The following NFIA variants were observed in gnomAD, a reference collection of about 807,000 sequenced individuals.
NFIA encodes nuclear factor I A, also known as nuclear factor 1 A-type.
Under a neutral mutation model 62.8 loss-of-function variants are expected in NFIA, and 8 were observed. That is an observed-to-expected ratio of 0.13 (90% CI 0.07 to 0.23). The LOEUF is 0.23. NFIA is among the 10% of genes least tolerant of loss of function. The probability of loss-of-function intolerance (pLI) is 1.00; values close to 1 mark genes in which losing one functional copy is unlikely to be tolerated. For synonymous variants in NFIA, 235 were observed against 238.1 expected, an observed-to-expected ratio of 0.99 and a Z score of 0.12; for missense variants, 410 against 642.1, an observed-to-expected ratio of 0.64 and a Z score of 3.91.
intron 2 of NFIA, among the ~76,000 whole-genome samples, chr1:61,100,300 C>T (rs1032193329): frequency 2.6e-5 from 4 of 152,050 alleles, no homozygotes; most frequent in East Asian, 1.9e-4. Flanking sequence ...TCCATCGGTG[C>T]GGATGCTCTT....
chr1:61,140,346 A>AT (rs780721575), intron 2 of NFIA, among the ~76,000 whole-genome samples: 8,033 of 27,342 alleles, frequency 0.29, 338 homozygotes, highest in East Asian at 0.39. Context: ...ATCTGGCTGT[A>AT]TTTTTTTTTT....
At chr1:61,122,967 A>G (rs976517208) in intron 2 of NFIA, among the ~76,000 whole-genome samples, 1 of 152,168 alleles carries the variant, frequency 6.6e-6, no homozygotes, top group Admixed American at 6.5e-5. Flanking sequence ...ATGTCCATGT[A>G]TCCAGGAGAA....
chr1:61,249,201 T>C (rs1293505560), intron 2 of NFIA: 1 of 152,134 alleles, frequency 6.6e-6, no homozygotes, highest in African/African-American at 2.4e-5. Context: ...TAAAAGGTGC[T>C]TACATACTTA....
At chr1:61,436,470 GA>G (rs1203924512) in intron 10 of NFIA, among the ~76,000 whole-genome samples, 7 of 152,168 alleles carry the variant, frequency 4.6e-5, no homozygotes, top group African/African-American at 1.7e-4. Context: ...CTGTTCACAT[GA>G]GGAAAGGATT....
At chr1:61,283,947 A>G (rs748913851) in intron 3 of NFIA, among the ~76,000 whole-genome samples, 2 of 152,202 alleles carry the variant, frequency 1.3e-5, no homozygotes, top group African/African-American at 4.8e-5. Context: ...TTTGGAGGCA[A>G]TGCAACCTTA....
At chr1:61,417,280 TG>T (rs2100541945) in intron 9 of NFIA, among the ~76,000 whole-genome samples, 1 of 149,140 alleles carries the variant, frequency 6.7e-6, no homozygotes, top group African/African-American at 2.5e-5. Context: ...TGTGTGTGTG[TG>T]TGTGTGTGTA....
At chr1:61,154,082 TTAACTC>T (rs1162662125) in intron 2 of NFIA, among the ~76,000 whole-genome samples, 1 of 152,250 alleles carries the variant, frequency 6.6e-6, no homozygotes, top group African/African-American at 2.4e-5. Context: ...TTTTTACACT[TTAACTC>T]AGACTGTTGG....
intron 2 of NFIA, among the ~76,000 whole-genome samples, chr1:61,192,473 G>A (rs2100577106): frequency 6.6e-6 from 1 of 152,158 alleles, no homozygotes; most frequent in East Asian, 1.9e-4. Flanking sequence ...AGGCCATGGT[G>A]GGCAGATGAC....
intron 2 of NFIA, among the ~76,000 whole-genome samples, chr1:61,152,883 A>C (rs1216683616): frequency 6.6e-6 from 1 of 152,104 alleles, no homozygotes; most frequent in Non-Finnish European, 1.5e-5. Flanking sequence ...TACTCTGAGG[A>C]GAGAGAGGGC....
chr1:61,283,593 A>AAAAAAAAAAAAG lies in NFIA; in HGVS notation c.625+6019_625+6020insGAAAAAAAAAAA, dbSNP rs1557681360. 1.1e-3 allele frequency among the ~76,000 whole-genome samples: 147 copies of AAAAAAAAAAAAG among 136,528 alleles called. 6 individuals are homozygous for AAAAAAAAAAAAG. The highest frequency in any genetic ancestry group is 3.6e-3 in the African/African-American group (131 of 35,924). The allele number at this position is 136,528 out of a possible 152,430, so 89.6% of individuals were successfully genotyped here. A position where few individuals can be genotyped will look rare whatever the true frequency, so the allele number is the denominator to read the frequency against. ...CGAGACTCTGTCTCAAAAAAAAAAA[A>AAAAAAAAAAAAG]AAAAAAAAAAAAAAAGATTTATGTG... is the stretch of plus-strand genomic sequence containing the variant. On this transcript the variant is annotated intron_variant, in intron 3 of 10. Transcript: ENST00000403491.
intron 3 of NFIA, among the ~76,000 whole-genome samples, chr1:61,282,134 G>A (rs779171893): frequency 6.6e-6 from 1 of 152,104 alleles, no homozygotes; most frequent in Non-Finnish European, 1.5e-5. Context: ...AGGTACTAAT[G>A]GGAATAGGAC....
intron 2 of NFIA, among the ~76,000 whole-genome samples, chr1:61,153,643 G>A (rs1397657423): frequency 6.6e-6 from 1 of 152,156 alleles, no homozygotes; most frequent in Non-Finnish European, 1.5e-5. Context: ...TTGTTTCATG[G>A]GTAAGTGTAT....
chr1:61,240,983 T>A (rs1477675282), intron 2 of NFIA, among the ~76,000 whole-genome samples: 3 of 151,686 alleles, frequency 2.0e-5, no homozygotes, highest in African/African-American at 2.4e-5. Flanking sequence ...TTTTTTTTTT[T>A]AGTCCAGTTC....
At chr1:61,199,275 G>A (rs984785829) in intron 2 of NFIA, among the ~76,000 whole-genome samples, 1 of 152,174 alleles carries the variant, frequency 6.6e-6, no homozygotes, top group Admixed American at 6.5e-5. Context: ...AAAATTTAAT[G>A]AAGTAGGTCC....
chr1:61,200,361 A>G (rs1048122453), intron 2 of NFIA, among the ~76,000 whole-genome samples: 3 of 152,012 alleles, frequency 2.0e-5, no homozygotes, highest in Admixed American at 1.3e-4. Flanking sequence ...TATTGAAAGT[A>G]CCCATTAGAG....
At chr1:61,207,682 A>G (rs549331453) in intron 2 of NFIA, among the ~76,000 whole-genome samples, 3 of 152,058 alleles carry the variant, frequency 2.0e-5, no homozygotes, top group Non-Finnish European at 4.4e-5. Flanking sequence ...GTGAAGTGGG[A>G]TTTTTGTGGC....
chr1:61,417,730 A>T (rs1413561025), intron 9 of NFIA, among the ~76,000 whole-genome samples: 2 of 152,156 alleles, frequency 1.3e-5, no homozygotes, highest in Non-Finnish European at 2.9e-5. Context: ...CCCTTATCAG[A>T]TATTGGAATC....
At chr1:61,157,222 T>C (rs1363701310) in intron 2 of NFIA, among the ~76,000 whole-genome samples, 1 of 152,240 alleles carries the variant, frequency 6.6e-6, no homozygotes, top group Non-Finnish European at 1.5e-5. Context: ...ATTTTTGGCA[T>C]ATGCAGACTT....
rs1005367791 is a variant in NFIA, at chr1:61,294,803, G to A, written c.625+17218G>A. ...GTCTGGTGCAGTGTGTGCAGTGTGA[G>A]CTCTCTCTGAGTCTGTCGCTGGTAA... On this transcript the variant is annotated intron_variant, in intron 3 of 10. Transcript: ENST00000403491. Among the ~76,000 whole-genome samples, 10 of 152,182 alleles carry A rather than the reference G, an allele frequency of 6.6e-5. No homozygotes were observed. In the East Asian group the frequency reaches 1.2e-3, roughly 18 times the overall value.
Sources: allele counts gnomAD v4.1 joint callset (sites outside exome capture counted in the v4.1 genomes callset), GRCh38; gene constraint gnomAD v4.1.1; transcripts MANE v1.5; gene names NCBI Gene and HGNC (gene_info 2026-07-23, HGNC 2026-07-21).